KATNBL1: variants seen among roughly 807,000 people sequenced by gnomAD.
KATNBL1 encodes katanin regulatory subunit B1 like 1, also known as KATNB1-like protein 1.
Under a neutral mutation model 44.7 loss-of-function variants are expected in KATNBL1, and 28 were observed. The ratio of observed to expected loss-of-function variants is 0.63; its 90% CI spans 0.46 to 0.86. KATNBL1 has a LOEUF of 0.86. Among genes scored for constraint, KATNBL1 ranks in the 40% least tolerant of loss-of-function variants. KATNBL1 has a pLI of 0.00. For synonymous variants in KATNBL1, 78 were observed against 114.9 expected, an observed-to-expected ratio of 0.68 and a Z score of 2.06; for missense variants, 272 against 350.7, an observed-to-expected ratio of 0.78 and a Z score of 1.79.
intron 1 of KATNBL1, among the ~76,000 whole-genome samples, chr15:34,203,557 C>T (rs2141006178): frequency 6.6e-6 from 1 of 152,288 alleles, no homozygotes; most frequent in East Asian, 1.9e-4. Flanking sequence ...CTGTATTTTT[C>T]CCCCACCACA....
At chr15:34,187,922 T>C (rs932929856) in intron 1 of KATNBL1, among the ~76,000 whole-genome samples, 7 of 151,776 alleles carry the variant, frequency 4.6e-5, no homozygotes, top group Admixed American at 4.6e-4. Context: ...GTGGATCACT[T>C]GAAGTCAGGA....
Position 34,195,543 on chromosome 15 carries a change from T to C in KATNBL1, c.-15+14408A>G, listed in dbSNP as rs546860363. 1.2e-4 allele frequency among the ~76,000 whole-genome samples: 18 copies of C among 152,220 alleles called. No homozygotes were observed. In the East Asian group the frequency reaches 3.1e-3, roughly 26 times the overall value. On this transcript the variant is annotated intron_variant, in intron 1 of 9. Transcript: ENST00000256544. ...GACTTCACCACATGCAATATATCAA[T>C]GTAGCAAAATTGCACTTGTATCCTA...
At chr15:34,179,243 C>T (rs1889444970) in intron 1 of KATNBL1, among the ~76,000 whole-genome samples, 2 of 152,136 alleles carry the variant, frequency 1.3e-5, no homozygotes, top group Admixed American at 1.3e-4. Flanking sequence ...GGCCTTTTTG[C>T]TTCCTCATCC....
chr15:34,161,620 C>T (rs1291094229), intron 2 of KATNBL1, among the ~76,000 whole-genome samples: 1 of 152,178 alleles, frequency 6.6e-6, no homozygotes, highest in Non-Finnish European at 1.5e-5. Flanking sequence ...GTCCCTACTG[C>T]TATGTTGTTC....
At position 34,189,380 on chromosome 15, in the gene KATNBL1, C is replaced by A. The variant is rs139039578; in HGVS notation, c.-15+20571G>T. 9.1e-3 allele frequency among the ~76,000 whole-genome samples: 1,380 copies of A among 152,334 alleles called. 20 individuals carry two copies. Among genetic ancestry groups the A allele is most frequent in the African/African-American group, 0.032 (1,312 of 41,560 alleles). On this transcript the variant is annotated intron_variant, in intron 1 of 9. Transcript: ENST00000256544. ...AGTATAATCCAAAGAAAGTTAAACA[C>A]CACCTCGCATTTGATAATGCCTCCT...
At chr15:34,160,602 C>T (rs1721434684) in intron 2 of KATNBL1, among the ~76,000 whole-genome samples, 1 of 152,022 alleles carries the variant, frequency 6.6e-6, no homozygotes, top group African/African-American at 2.4e-5. Context: ...GGGGTTTAGA[C>T]TCTTGAATTC....
intron 1 of KATNBL1, among the ~76,000 whole-genome samples, chr15:34,205,683 G>A (rs1435714211): frequency 6.6e-6 from 1 of 152,172 alleles, no homozygotes; most frequent in Non-Finnish European, 1.5e-5. Context: ...GATACTCAGA[G>A]CATCTGCGCA....
chr15:34,197,262 T>C (rs1407660144), intron 1 of KATNBL1, among the ~76,000 whole-genome samples: 1 of 152,252 alleles, frequency 6.6e-6, no homozygotes, highest in African/African-American at 2.4e-5. Flanking sequence ...CTGAAAAGAC[T>C]AGGCAGTATG....
At chr15:34,180,861 G>A (rs1443418052) in intron 1 of KATNBL1, among the ~76,000 whole-genome samples, 3 of 151,874 alleles carry the variant, frequency 2.0e-5, no homozygotes, top group Admixed American at 6.6e-5. Context: ...CCAGGAGTTC[G>A]ATACCAGCCT....
intron 1 of KATNBL1, among the ~76,000 whole-genome samples, chr15:34,186,461 CCTT>C (rs1889719021): frequency 6.6e-6 from 1 of 152,212 alleles, no homozygotes; most frequent in Non-Finnish European, 1.5e-5. Flanking sequence ...GCAGGATCTG[CCTT>C]CCAGGGTGCA....
rs191594866 is a variant in KATNBL1 at position 34,158,159 on chromosome 15, C to T, written c.118-3475G>A. ...TAAATACTAGGCAACTATCTGTAAC[C>T]TGTCATGTCAAAGTGTAAATTGCTA... is the stretch of plus-strand genomic sequence containing the variant. On this transcript the variant is annotated intron_variant, in intron 2 of 9. Transcript: ENST00000256544. Among the ~76,000 whole-genome samples the T allele has an allele frequency of 8.7e-4, 132 of 152,246 alleles. 2 individuals are homozygous for T. Among genetic ancestry groups the T allele is most frequent in the African/African-American group, 2.8e-3 (116 of 41,544 alleles).
At chr15:34,163,447 G>C in intron 2 of KATNBL1, 113 bp downstream of exon 2, 1 of 1,237,354 alleles carries the variant, frequency 8.1e-7, no homozygotes. Flanking sequence ...ACTTAATTCT[G>C]GGAGATTAAG....
At chr15:34,203,165 T>C (rs967402075) in intron 1 of KATNBL1, among the ~76,000 whole-genome samples, 20 of 152,104 alleles carry the variant, frequency 1.3e-4, no homozygotes, top group Admixed American at 4.6e-4. Context: ...AATCTGCTCC[T>C]CCCAACAGTC....
At chr15:34,159,207 A>G (rs1275218546) in intron 2 of KATNBL1, among the ~76,000 whole-genome samples, 1 of 152,036 alleles carries the variant, frequency 6.6e-6, no homozygotes, top group Non-Finnish European at 1.5e-5. Flanking sequence ...CATTTAGGCC[A>G]CCCTCAGATT....
intron 1 of KATNBL1, among the ~76,000 whole-genome samples, chr15:34,165,418 G>T (rs573196631): frequency 1.2e-4 from 19 of 152,230 alleles, no homozygotes; most frequent in African/African-American, 4.6e-4. Context: ...GACAATAAAA[G>T]GTTTGTAAAG....
intron 3 of KATNBL1, among the ~76,000 whole-genome samples, chr15:34,154,241 C>T (rs188470557): frequency 6.6e-6 from 1 of 152,288 alleles, no homozygotes; most frequent in East Asian, 1.9e-4. Flanking sequence ...TTCACAAATT[C>T]CATGAATGGT....
chr15:34,167,354 G>A (rs1411466485), intron 1 of KATNBL1, among the ~76,000 whole-genome samples: 5 of 152,144 alleles, frequency 3.3e-5, no homozygotes, highest in Non-Finnish European at 7.3e-5. Flanking sequence ...ATAAGTGAAT[G>A]AAGATCAAAT....
chr15:34,195,690 C>CAAAAAAAAAAAAAAAAAAAAAAAAAAAAA (rs5811824), intron 1 of KATNBL1, among the ~76,000 whole-genome samples: 12 of 111,412 alleles, frequency 1.1e-4, no homozygotes, highest in African/African-American at 4.4e-4. Context: ...GACGCCATCT[C>CAAAAAAAAAAAAAAAAAAAAAAAAAAAAA]AAAAAAAAAA....
chr15:34,147,759 T>G (rs1888353727), intron 5 of KATNBL1, among the ~76,000 whole-genome samples: 1 of 152,174 alleles, frequency 6.6e-6, no homozygotes, highest in Non-Finnish European at 1.5e-5. Flanking sequence ...TATTTTAAAA[T>G]AAGTTGGTCA....
Sources: allele counts gnomAD v4.1 joint callset (sites outside exome capture counted in the v4.1 genomes callset), GRCh38; gene constraint gnomAD v4.1.1; transcripts MANE v1.5; gene names NCBI Gene and HGNC (gene_info 2026-07-23, HGNC 2026-07-21).